UBASH3A: variants seen among roughly 807,000 people sequenced by gnomAD.
UBASH3A encodes ubiquitin-associated and SH3 domain-containing protein A.
Under a neutral mutation model 73.5 loss-of-function variants are expected in UBASH3A, and 63 were observed. The observed-to-expected ratio is 0.86, with a 90% CI of 0.70 to 1.06. The LOEUF (loss-of-function observed/expected upper bound fraction) is 1.06, where lower values mean the gene tolerates loss of function less well. UBASH3A is among the 50% of genes least tolerant of loss of function. The probability of loss-of-function intolerance (pLI) is 0.00; values close to 1 mark genes in which losing one functional copy is unlikely to be tolerated. For missense variants in UBASH3A, 860 were observed against 859.0 expected, an observed-to-expected ratio of 1.00 and a Z score of -0.02; for synonymous variants, 363 against 351.1, an observed-to-expected ratio of 1.03 and a Z score of -0.38.
At chr21:42,437,096 A>G (rs1281827761) in intron 10 of UBASH3A, among the ~76,000 whole-genome samples, 2 of 152,254 alleles carry the variant, frequency 1.3e-5, no homozygotes, top group African/African-American at 4.8e-5. Flanking sequence ...CAGCCCTAGT[A>G]GAGGCTGCCC....
chr21:42,439,467 A>C (rs962546493), intron 11 of UBASH3A, among the ~76,000 whole-genome samples: 5 of 152,096 alleles, frequency 3.3e-5, no homozygotes, highest in African/African-American at 1.2e-4. Context: ...GCTCTCAATG[A>C]GCCAGATGAA....
rs1221727915 is a variant in UBASH3A, at chr21:42,434,555, A to G, written c.1271-277A>G. On this transcript the variant is annotated intron_variant, in intron 9 of 14. Coordinates refer to ENST00000319294, the MANE Select transcript of UBASH3A (RefSeq NM_018961.4). ...CTTCATCAGGAAAATGTAAGAGTGA[A>G]TCTTCATGGGGCATTTTGGGAGGAC... Among the ~76,000 whole-genome samples, 6 of 152,206 alleles carry G rather than the reference A, an allele frequency of 3.9e-5. No homozygotes were observed. The South Asian group carries it at 6.2e-4, about 16-fold the overall frequency.
At chr21:42,444,127 T>C (rs2053803913) in intron 13 of UBASH3A, among the ~76,000 whole-genome samples, 1 of 152,202 alleles carries the variant, frequency 6.6e-6, no homozygotes, top group African/African-American at 2.4e-5. Context: ...GCCTGTGGTC[T>C]CCAGGTGTTC....
intron 11 of UBASH3A, among the ~76,000 whole-genome samples, chr21:42,439,091 C>T (rs2053682341): frequency 6.6e-6 from 1 of 152,130 alleles, no homozygotes; most frequent in African/African-American, 2.4e-5. Context: ...AGAGCACCTT[C>T]AAATCCAGGT....
At position 42,409,609 on chromosome 21, in the gene UBASH3A, G is replaced by A. The variant is rs2053050406; in HGVS notation, c.354+1G>A. The A allele has an allele frequency of 1.2e-6, 2 of 1,609,902 alleles. No homozygotes were observed. Among genetic ancestry groups the A allele is most frequent in the Admixed American group, 1.7e-5 (1 of 59,320 alleles). On this transcript the variant is annotated splice_donor_variant, in intron 3 of 14. Transcript: ENST00000319294. LOFTEE classifies it high-confidence loss of function. ...CGTGACACTCTGTGACTTCTTCACG[G>A]TGAGTCAACCCAGTGTGCCTTCAAT...
intron 11 of UBASH3A, among the ~76,000 whole-genome samples, chr21:42,441,860 G>C (rs1282605377): frequency 6.6e-6 from 1 of 152,192 alleles, no homozygotes; most frequent in Non-Finnish European, 1.5e-5. Context: ...AAAACATTCA[G>C]GTCTTTTTTT....
Position 42,432,200 on chromosome 21 carries a change from A to G in UBASH3A, c.1268A>G (p.Asp423Gly). 1 of 1,608,990 alleles carries G rather than the reference A, an allele frequency of 6.2e-7. No homozygotes were observed. Among genetic ancestry groups the G allele is most frequent in the Non-Finnish European group, 8.5e-7 (1 of 1,175,910 alleles). Residue 423 changes from aspartate to glycine, a missense_variant and splice_region_variant, in exon 9 of 15, where the codon GAT becomes GGT. Asp to Gly is a moderately conservative substitution (Grantham distance 94). Transcript: ENST00000319294. ...TGGCTGCAGCAATGCTCCACTCCTGATGGTAGGTCACACTCAGGCGGGTCT... is the reference window on the plus strand; with the variant it reads ...TGGCTGCAGCAATGCTCCACTCCTGGTGGTAGGTCACACTCAGGCGGGTCT... ...KAWLQQCSTPDGKYYRPDLNF... is the reference protein window; with the variant it reads ...KAWLQQCSTPGGKYYRPDLNF...
At chr21:42,441,291 G>C (rs966735684) in intron 11 of UBASH3A, among the ~76,000 whole-genome samples, 1 of 152,072 alleles carries the variant, frequency 6.6e-6, no homozygotes, top group Non-Finnish European at 1.5e-5. Flanking sequence ...ACACTGGCCT[G>C]CAAGAGGTCT....
intron 3 of UBASH3A, among the ~76,000 whole-genome samples, chr21:42,412,134 T>A (rs572842839): frequency 2.0e-4 from 31 of 151,390 alleles, no homozygotes; most frequent in African/African-American, 7.5e-4. Context: ...ACTGGGAAGG[T>A]TTTCAAGCCC....
Position 42,420,167 on chromosome 21 carries a change from G to A in UBASH3A, c.1046+1558G>A, listed in dbSNP as rs1459673582. Reference sequence around the variant, plus strand: ...CAGTTGTCCCTTGCTATCTGCAAGGGATTGGTTCCCGGACCCCCACAGATA... The same window carrying A: ...CAGTTGTCCCTTGCTATCTGCAAGGAATTGGTTCCCGGACCCCCACAGATA... On this transcript the variant is annotated intron_variant, in intron 7 of 14. Coordinates refer to ENST00000319294, the MANE Select transcript of UBASH3A (RefSeq NM_018961.4). Among the ~76,000 whole-genome samples, 3 of 152,092 alleles carry A rather than the reference G, an allele frequency of 2.0e-5. 1 individual carries two copies. The Middle Eastern group carries it at 9.5e-3, about 481-fold the overall frequency.
At chr21:42,443,201 G>C in intron 12 of UBASH3A, 111 bp from the exon 13 acceptor site, 2 of 1,428,394 alleles carry the variant, frequency 1.4e-6, no homozygotes, top group Non-Finnish European at 1.8e-6. Flanking sequence ...AGCCTGCCTT[G>C]AGGCAGAGCC....
intron 7 of UBASH3A, among the ~76,000 whole-genome samples, chr21:42,422,163 T>C (rs2053348241): frequency 6.6e-6 from 1 of 152,186 alleles, no homozygotes; most frequent in Admixed American, 6.5e-5. Flanking sequence ...ATACATGACA[T>C]TCCATATCAT....
At chr21:42,437,326 G>T (rs2053642286) in intron 10 of UBASH3A, among the ~76,000 whole-genome samples, 162 bp from the exon 11 acceptor site, 1 of 152,216 alleles carries the variant, frequency 6.6e-6, no homozygotes, top group Admixed American at 6.5e-5. Context: ...TCTGGTCATG[G>T]GTTCCACCCA....
chr21:42,412,925 G>T, intron 3 of UBASH3A, 99 bp from the exon 4 acceptor site: 1 of 1,032,988 alleles, frequency 9.7e-7, no homozygotes, highest in Non-Finnish European at 1.5e-6. Flanking sequence ...GAACAGAAAA[G>T]AATCTCACTT....
In UBASH3A at chr21:42,432,142, G is replaced by T; in HGVS notation, c.1210G>T (p.Gly404Trp). 2 of 1,613,682 alleles carry T rather than the reference G, an allele frequency of 1.2e-6. No individual in the cohort carries two copies. The highest frequency in any genetic ancestry group is 1.7e-6 in the Non-Finnish European group (2 of 1,179,798). The part of the protein sequence containing the change: ...ARKSVLVVRH[G>W]ERVDQIFGKA... ...GAAGAGCGTGCTGGTGGTTCGCCACGGGGAGAGAGTGGATCAGATCTTCGG... is the reference window on the plus strand; with the variant it reads ...GAAGAGCGTGCTGGTGGTTCGCCACTGGGAGAGAGTGGATCAGATCTTCGG... Residue 404 changes from glycine (G) to tryptophan (W), a missense_variant, in exon 9 of 15, where the codon GGG (glycine) becomes TGG (tryptophan). Physicochemically the swap from Gly to Trp is radical, Grantham distance 184. Transcript: ENST00000319294.
At chr21:42,412,909 C>T (rs996259371) in intron 3 of UBASH3A, 115 bp from the exon 4 acceptor site, 14 of 896,098 alleles carry the variant, frequency 1.6e-5, no homozygotes, top group Admixed American at 4.3e-5. Flanking sequence ...TATGTTACAG[C>T]GCTTTGAACA....
At chr21:42,410,013 C>A in intron 3 of UBASH3A, 2 of 696,404 alleles carry the variant, frequency 2.9e-6, no homozygotes, top group East Asian at 2.7e-5. Flanking sequence ...GAAACTAGCA[C>A]AGCCCCTAAA....
At chr21:42,411,201 C>T (rs2053086977) in intron 3 of UBASH3A, among the ~76,000 whole-genome samples, 1 of 151,810 alleles carries the variant, frequency 6.6e-6, no homozygotes. Flanking sequence ...CAGACACACA[C>T]ATATATACAT....
intron 7 of UBASH3A, among the ~76,000 whole-genome samples, chr21:42,426,481 C>T (rs986561660): frequency 1.3e-5 from 2 of 152,232 alleles, no homozygotes; most frequent in Non-Finnish European, 2.9e-5. Flanking sequence ...TAAAATTACC[C>T]ATCATAGACG....
Sources: allele counts gnomAD v4.1 joint callset (sites outside exome capture counted in the v4.1 genomes callset), GRCh38; gene constraint gnomAD v4.1.1; transcripts MANE v1.5; gene names NCBI Gene and HGNC (gene_info 2026-07-23, HGNC 2026-07-21).